The following TRPM3 variants were observed in gnomAD, a reference collection of about 807,000 sequenced individuals.
The protein encoded by TRPM3 is long transient receptor potential channel 3.
TRPM3 carries 77 observed loss-of-function variants against 181.2 expected under a neutral mutation model. The observed-to-expected ratio is 0.42, with a 90% CI of 0.35 to 0.51. The LOEUF is 0.51. Ranked by LOEUF, TRPM3 falls within the 20% of genes least tolerant of loss-of-function variation. The pLI is 0.01. For synonymous variants in TRPM3, 745 were observed against 796.4 expected (o/e 0.94, Z 1.09); for missense variants, 1,759 against 2,196.7 (o/e 0.80, Z 3.98).
chr9:71,103,243 A>C (rs1036238469), intron 1 of TRPM3, among the ~76,000 whole-genome samples: 2 of 152,194 alleles, frequency 1.3e-5, no homozygotes, highest in Non-Finnish European at 2.9e-5. Flanking sequence ...GATTACAACC[A>C]AAGTAAATAC....
chr9:70,665,063 C>A lies in TRPM3; in HGVS notation c.1345+16443G>T, dbSNP rs148759528. On this transcript the variant is annotated intron_variant, in intron 9 of 25. Transcript: ENST00000677713. ...GATAGAATTGTAGCACCTGTCCTGA[C>A]AGGTCAGGGCTGGCTGACAGCGCCT... Among the ~76,000 whole-genome samples the A allele has an allele frequency of 4.7e-3, 720 of 152,302 alleles. 11 individuals are homozygous for A. The highest frequency in any genetic ancestry group is 0.017 in the African/African-American group (688 of 41,574).
intron 1 of TRPM3, among the ~76,000 whole-genome samples, chr9:70,870,911 T>C (rs896138862): frequency 3.3e-5 from 5 of 152,060 alleles, no homozygotes; most frequent in Non-Finnish European, 7.4e-5. Flanking sequence ...CATATGTTTA[T>C]AGTCAGAAAA....
chr9:70,993,795 AAAAAAAAAAAG>A lies in TRPM3; in HGVS notation c.177+127372_177+127382del, dbSNP rs1486338083. ...GTGAGATTCCATCTCAAAAAAAAAA[AAAAAAAAAAAG>A]AAAGAAAGAAAGAAAGAAAGCACTC... On this transcript the variant is annotated intron_variant, in intron 1 of 25. Transcript: ENST00000677713. Among the ~76,000 whole-genome samples, 3 of 128,580 alleles carry A rather than the reference AAAAAAAAAAAG, an allele frequency of 2.3e-5. No individual in the cohort carries two copies. The East Asian group carries it at 7.0e-4, about 30-fold the overall frequency. 84.4% of individuals were successfully genotyped at this position (128,580 alleles called of 152,430 possible). A position where few individuals can be genotyped will look rare whatever the true frequency, so the allele number is the denominator to read the frequency against.
intron 8 of TRPM3, among the ~76,000 whole-genome samples, chr9:70,758,614 T>C (rs924554596): frequency 1.1e-4 from 16 of 152,206 alleles, no homozygotes; most frequent in African/African-American, 3.9e-4. Context: ...AACAGCATGG[T>C]AGTGGTGCCA....
intron 1 of TRPM3, among the ~76,000 whole-genome samples, chr9:71,429,790 G>C (rs1026182671): frequency 1.3e-5 from 2 of 152,086 alleles, no homozygotes; most frequent in Admixed American, 1.3e-4. Flanking sequence ...ACCTGGGTTC[G>C]AATCTCTCTC....
intron 9 of TRPM3, among the ~76,000 whole-genome samples, chr9:70,652,054 T>C (rs2059663807): frequency 6.6e-6 from 1 of 151,924 alleles, no homozygotes. Flanking sequence ...TAGATCGACA[T>C]GGGGTTGATA....
At chr9:70,596,640 A>G (rs1377308616) in intron 21 of TRPM3, among the ~76,000 whole-genome samples, 3 of 151,318 alleles carry the variant, frequency 2.0e-5, no homozygotes, top group African/African-American at 7.3e-5. Flanking sequence ...TTGAGGCAGG[A>G]GAATTGCTAG....
At chr9:71,258,319 G>A (rs2082805827) in intron 1 of TRPM3, among the ~76,000 whole-genome samples, 1 of 152,166 alleles carries the variant, frequency 6.6e-6, no homozygotes, top group Admixed American at 6.5e-5. Flanking sequence ...CAGGTAGCCT[G>A]GCTCCAGCAT....
intron 1 of TRPM3, among the ~76,000 whole-genome samples, chr9:71,216,355 C>T (rs1389771356): frequency 6.6e-6 from 1 of 152,190 alleles, no homozygotes; most frequent in African/African-American, 2.4e-5. Context: ...TCATAGATGT[C>T]TAGTTCATGG....
chr9:71,315,927 T>C (rs1313447229), intron 1 of TRPM3, among the ~76,000 whole-genome samples: 3 of 152,198 alleles, frequency 2.0e-5, no homozygotes, highest in Non-Finnish European at 2.9e-5. Flanking sequence ...GGTTGGGCTA[T>C]AGTTATTGTC....
intron 1 of TRPM3, among the ~76,000 whole-genome samples, chr9:70,990,720 CAAAAT>C (rs1757694461): frequency 6.6e-6 from 1 of 151,982 alleles, no homozygotes; most frequent in African/African-American, 2.4e-5. Context: ...TAAAAATAAA[CAAAAT>C]AAAGGCATAA....
rs142928226 is a variant in TRPM3, at chr9:70,679,801, T to C, written c.1345+1705A>G. On this transcript the variant is annotated intron_variant, in intron 9 of 25. Transcript: ENST00000677713. ...TAAGTTCTCAATAAATGTCAGTTAC[T>C]GACATTATTACTTTAAAATATCTTT... Among the ~76,000 whole-genome samples the C allele has an allele frequency of 1.6e-3, 246 of 152,362 alleles. 2 individuals carry two copies. The highest frequency in any genetic ancestry group is 5.6e-3 in the African/African-American group (233 of 41,594).
At chr9:70,538,471 T>C (rs1347390690) in intron 25 of TRPM3, among the ~76,000 whole-genome samples, 1 of 152,102 alleles carries the variant, frequency 6.6e-6, no homozygotes, top group Non-Finnish European at 1.5e-5. Flanking sequence ...CTCTGTTACT[T>C]AGGCTGAAGT....
At chr9:71,122,418 C>G (rs527825257), upstream of TRPM3, among the ~76,000 whole-genome samples, 11 of 152,336 alleles carry the variant, frequency 7.2e-5, no homozygotes, top group South Asian at 2.1e-3. Flanking sequence ...GACACAACCC[C>G]CCTTCGGCTC....
intron 1 of TRPM3, among the ~76,000 whole-genome samples, chr9:71,439,015 A>C (rs2094092503): frequency 6.6e-6 from 1 of 152,220 alleles, no homozygotes; most frequent in African/African-American, 2.4e-5. Context: ...AAATGCCAAA[A>C]GCAAAAAGTA....
intron 1 of TRPM3, among the ~76,000 whole-genome samples, chr9:70,973,623 T>C (rs1455377479): frequency 6.6e-6 from 1 of 152,178 alleles, no homozygotes; most frequent in African/African-American, 2.4e-5. Flanking sequence ...TGTTGTGGCA[T>C]CATGTCAGTA....
chr9:70,745,784 A>G lies in TRPM3; in HGVS notation c.1272+15817T>C, dbSNP rs1037004083. On this transcript the variant is annotated intron_variant, in intron 8 of 25. Coordinates refer to ENST00000677713, the MANE Select transcript of TRPM3 (RefSeq NM_001366145.2). ...TCTTTCTTATCATCTGGGAAATTAT[A>G]TATGCTTCCTCTTAATTGTACCCTG... 3.9e-5 allele frequency among the ~76,000 whole-genome samples: 6 copies of G among 152,296 alleles called. 1 individual carries two copies. Among genetic ancestry groups the G allele is most frequent in the Middle Eastern group, 3.4e-3 (1 of 294 alleles).
intron 1 of TRPM3, among the ~76,000 whole-genome samples, chr9:71,306,591 A>C (rs1447623968): frequency 4.6e-5 from 7 of 152,156 alleles, no homozygotes; most frequent in Non-Finnish European, 1.0e-4. Flanking sequence ...TATGATTTTT[A>C]AAAACCAGGC....
At chr9:71,003,907 T>C (rs971355911) in intron 1 of TRPM3, among the ~76,000 whole-genome samples, 2 of 152,196 alleles carry the variant, frequency 1.3e-5, no homozygotes, top group African/African-American at 2.4e-5. Flanking sequence ...CATTTTAGAC[T>C]GTGCCACACC....
Sources: allele counts gnomAD v4.1 joint callset (sites outside exome capture counted in the v4.1 genomes callset), GRCh38; gene constraint gnomAD v4.1.1; transcripts MANE v1.5; gene names NCBI Gene and HGNC (gene_info 2026-07-23, HGNC 2026-07-21).